Variants in MAML3 observed in about 807,000 individuals in gnomAD.
The protein encoded by MAML3 is mastermind like transcriptional coactivator 3.
A neutral mutation model predicts 101.9 loss-of-function variants in MAML3; 27 were observed. That is an observed-to-expected ratio of 0.27 (90% CI 0.20 to 0.37). The LOEUF is 0.37. Ranked by LOEUF, MAML3 falls within the 10% of genes least tolerant of loss-of-function variation. MAML3 has a pLI of 1.00. For missense variants in MAML3, 1,316 were observed against 1,444.9 expected (o/e 0.91, Z 1.45); for synonymous variants, 501 against 555.9 (o/e 0.90, Z 1.39).
At chr4:139,850,346 T>C (rs1463611374) in intron 2 of MAML3, among the ~76,000 whole-genome samples, 1 of 152,234 alleles carries the variant, frequency 6.6e-6, no homozygotes, top group Non-Finnish European at 1.5e-5. Flanking sequence ...CCATACATCC[T>C]GATCTGCCAG....
chr4:139,963,400 C>T (rs567952621), intron 1 of MAML3, among the ~76,000 whole-genome samples: 1 of 152,268 alleles, frequency 6.6e-6, no homozygotes, highest in Non-Finnish European at 1.5e-5. Context: ...AGCTACCGGT[C>T]CACAGACCAT....
intron 2 of MAML3, among the ~76,000 whole-genome samples, chr4:139,809,087 G>A (rs1370464506): frequency 6.6e-6 from 1 of 152,144 alleles, no homozygotes; most frequent in Non-Finnish European, 1.5e-5. Flanking sequence ...GGCCTGCCAG[G>A]GTTCTTATTT....
At chr4:140,069,742 T>C (rs1727613094) in intron 1 of MAML3, among the ~76,000 whole-genome samples, 1 of 151,740 alleles carries the variant, frequency 6.6e-6, no homozygotes, top group African/African-American at 2.4e-5. Flanking sequence ...CCGGGATGCA[T>C]TTAGTAGCAG....
At chr4:140,002,043 C>T (rs1284522873) in intron 1 of MAML3, among the ~76,000 whole-genome samples, 1 of 112,776 alleles carries the variant, frequency 8.9e-6, no homozygotes, top group Non-Finnish European at 1.9e-5. Flanking sequence ...ACCTCACACA[C>T]TTATCATTTT....
intron 1 of MAML3, among the ~76,000 whole-genome samples, chr4:140,069,420 GGGAAGGAGGAGA>G (rs1560883646): frequency 3.8e-5 from 1 of 26,582 alleles, no homozygotes; most frequent in Non-Finnish European, 7.3e-5. Flanking sequence ...GGAGGAGGAG[GGGAAGGAGGAGA>G]AGGAGGAGAA....
At position 140,069,364 on chromosome 4, in the gene MAML3, A is replaced by AG. The variant is rs1364104532; in HGVS notation, c.468+83495dup. On this transcript the variant is annotated intron_variant, in intron 1 of 4. Coordinates refer to ENST00000509479, the MANE Select transcript of MAML3 (RefSeq NM_018717.5). ...AAGGAGAAGGAGAAGGAGAAGGAGA[A>AG]GAAGAAGAAGAAGAAGAAGAAGGAG... Among the ~76,000 whole-genome samples the AG allele has an allele frequency of 3.8e-3, 152 of 40,416 alleles. 1 individual carries two copies. The highest frequency in any genetic ancestry group is 0.014 in the Middle Eastern group (1 of 72). The allele number at this position is 40,416 out of a possible 152,430, so 26.5% of individuals were successfully genotyped here.
In MAML3 at chr4:140,153,090, G is replaced by A; in HGVS notation, c.238C>T (p.Arg80Cys). The A allele has an allele frequency of 6.4e-7, 1 of 1,554,226 alleles. No individual in the cohort carries two copies. The highest frequency in any genetic ancestry group is 8.7e-7 in the Non-Finnish European group (1 of 1,148,668). ...HSTVVERLRQ[R>C]IEGCRRHHVN... ...TGGTGCCGACGGCAGCCCTCGATGC[G>A]CTGGCGGAGCCGCTCCACCACGGTG... Residue 80 changes from arginine (R) to cysteine (C), a missense_variant, in exon 1 of 5, where the codon CGC becomes TGC. Arg to Cys is a radical substitution (Grantham distance 180, BLOSUM62 -3). Coordinates refer to ENST00000509479, the MANE Select transcript of MAML3 (RefSeq NM_018717.5).
chr4:140,054,493 T>C lies in MAML3; in HGVS notation c.468+98367A>G, dbSNP rs926772561. ...TCAGTTTCCTCCATATTCTTCCTAT[T>C]TAACTTAGTTTCTATGAGGATGGTG... On this transcript the variant is annotated intron_variant, in intron 1 of 4. Transcript: ENST00000509479. 2.0e-5 allele frequency among the ~76,000 whole-genome samples: 3 copies of C among 152,236 alleles called. No homozygotes were observed. The East Asian group carries it at 5.8e-4, about 29-fold the overall frequency.
At chr4:140,064,785 C>T (rs1298354656) in intron 1 of MAML3, among the ~76,000 whole-genome samples, 2 of 152,190 alleles carry the variant, frequency 1.3e-5, no homozygotes, top group Non-Finnish European at 2.9e-5. Context: ...TCTCTCCTGA[C>T]CTTCATCCCT....
At chr4:139,755,547 G>A (rs1170152655) in intron 2 of MAML3, among the ~76,000 whole-genome samples, 1 of 152,194 alleles carries the variant, frequency 6.6e-6, no homozygotes, top group African/African-American at 2.4e-5. Context: ...GGCGGAGCTT[G>A]CAGTGAGAGG....
intron 2 of MAML3, among the ~76,000 whole-genome samples, chr4:139,850,439 T>A (rs1560813583): frequency 6.6e-6 from 1 of 152,216 alleles, no homozygotes; most frequent in Non-Finnish European, 1.5e-5. Flanking sequence ...CTGGTTTGGA[T>A]AATAAATTAG....
rs567266755 is a variant in MAML3, at chr4:139,941,926, G to C, written c.469-50959C>G. Among the ~76,000 whole-genome samples, 12 of 152,200 alleles carry C rather than the reference G, an allele frequency of 7.9e-5. No individual in the cohort carries two copies. The East Asian group carries it at 1.2e-3, about 15-fold the overall frequency. On this transcript the variant is annotated intron_variant, in intron 1 of 4. Coordinates refer to ENST00000509479, the MANE Select transcript of MAML3 (RefSeq NM_018717.5). Reference sequence around the variant, plus strand: ...AGGTGGATGGATCACCAGAGGTCAGGAGTTCAAGACCAGCCTGGGCAACAT... The same window carrying C: ...AGGTGGATGGATCACCAGAGGTCAGCAGTTCAAGACCAGCCTGGGCAACAT...
chr4:140,002,035 C>T (rs1734933266), intron 1 of MAML3, among the ~76,000 whole-genome samples: 1 of 130,908 alleles, frequency 7.6e-6, no homozygotes, highest in Admixed American at 8.8e-5. Flanking sequence ...TATGCATTAC[C>T]TCACACACTT....
At chr4:140,028,175 C>T (rs1560871006) in intron 1 of MAML3, among the ~76,000 whole-genome samples, 1 of 152,144 alleles carries the variant, frequency 6.6e-6, no homozygotes, top group Non-Finnish European at 1.5e-5. Flanking sequence ...CAATGTCTCT[C>T]CTAAACTATT....
intron 1 of MAML3, among the ~76,000 whole-genome samples, chr4:140,105,547 T>A (rs1453830481): frequency 1.3e-5 from 2 of 152,218 alleles, no homozygotes; most frequent in Non-Finnish European, 1.5e-5. Context: ...ATCCTCTGTC[T>A]GACAAAACAG....
chr4:140,100,069 C>T (rs1728230514), intron 1 of MAML3, among the ~76,000 whole-genome samples: 2 of 151,762 alleles, frequency 1.3e-5, no homozygotes, highest in South Asian at 2.1e-4. Context: ...GCAGCCCCCA[C>T]GTTCCAGGCA....
At chr4:139,736,042 G>T (rs919886503) in intron 2 of MAML3, among the ~76,000 whole-genome samples, 1 of 152,180 alleles carries the variant, frequency 6.6e-6, no homozygotes, top group East Asian at 1.9e-4. Context: ...TGGCAGGAAA[G>T]AGTAAAAATA....
intron 2 of MAML3, among the ~76,000 whole-genome samples, chr4:139,835,652 C>T (rs540351996): frequency 6.6e-6 from 1 of 152,276 alleles, no homozygotes; most frequent in South Asian, 2.1e-4. Flanking sequence ...CCTATTTTTA[C>T]TCGGTGGCCT....
At chr4:139,940,238 T>C (rs1412396819) in intron 1 of MAML3, among the ~76,000 whole-genome samples, 1 of 152,218 alleles carries the variant, frequency 6.6e-6, no homozygotes, top group Non-Finnish European at 1.5e-5. Flanking sequence ...TACTGCTTTG[T>C]GGTTGCTTCA....
Sources: allele counts gnomAD v4.1 joint callset (sites outside exome capture counted in the v4.1 genomes callset), GRCh38; gene constraint gnomAD v4.1.1; transcripts MANE v1.5; gene names NCBI Gene and HGNC (gene_info 2026-07-23, HGNC 2026-07-21).